LRP1B: variants seen among roughly 807,000 people sequenced by gnomAD.
LRP1B encodes low-density lipoprotein receptor-related protein 1B.
In LRP1B, 217 loss-of-function variants were observed where a neutral mutation model predicts 556.6. That is an observed-to-expected ratio of 0.39 (90% CI 0.35 to 0.44). The LOEUF (loss-of-function observed/expected upper bound fraction) is 0.44, where lower values mean the gene tolerates loss of function less well. Among genes scored for constraint, LRP1B ranks in the 20% least tolerant of loss-of-function variants. The pLI, the probability that LRP1B is intolerant of heterozygous loss-of-function variation, is 1.00. For missense variants in LRP1B, 5,053 were observed against 5,620.8 expected (o/e 0.90, Z 3.23); for synonymous variants, 2,047 against 1,865.8 (o/e 1.10, Z -2.50).
intron 1 of LRP1B, among the ~76,000 whole-genome samples, chr2:141,975,496 G>C (rs1296442923): frequency 6.6e-6 from 1 of 152,030 alleles, no homozygotes; most frequent in Non-Finnish European, 1.5e-5. Flanking sequence ...CGTATAAATG[G>C]ATTGAAGGAA....
intron 3 of LRP1B, among the ~76,000 whole-genome samples, chr2:141,410,244 G>T (rs546288554): frequency 1.2e-3 from 181 of 151,998 alleles, no homozygotes; most frequent in African/African-American, 3.7e-3. Context: ...CCCCATTGTA[G>T]GGCACAATCC....
chr2:142,025,581 A>G (rs1291572605), intron 1 of LRP1B, among the ~76,000 whole-genome samples: 4 of 152,130 alleles, frequency 2.6e-5, no homozygotes, highest in Non-Finnish European at 5.9e-5. Flanking sequence ...AAATAACAGA[A>G]CAATTAACTC....
At chr2:141,620,056 A>C (rs764535243) in intron 2 of LRP1B, among the ~76,000 whole-genome samples, 1 of 152,208 alleles carries the variant, frequency 6.6e-6, no homozygotes, top group Non-Finnish European at 1.5e-5. Context: ...GGGCTCAAGC[A>C]ATCCTCCCAC....
chr2:140,435,421 C>T (rs867908192), intron 66 of LRP1B, among the ~76,000 whole-genome samples: 6 of 152,148 alleles, frequency 3.9e-5, no homozygotes, highest in African/African-American at 1.4e-4. Flanking sequence ...AAATTCCTGA[C>T]TCAATTCCTT....
intron 5 of LRP1B, among the ~76,000 whole-genome samples, chr2:141,236,745 A>C (rs1683659320): frequency 6.6e-6 from 1 of 152,130 alleles, no homozygotes; most frequent in Non-Finnish European, 1.5e-5. Flanking sequence ...GAGTTAAGAG[A>C]ATGGAAAAGA....
At chr2:140,677,142 T>G (rs1685698358) in intron 41 of LRP1B, among the ~76,000 whole-genome samples, 1 of 152,190 alleles carries the variant, frequency 6.6e-6, no homozygotes, top group Non-Finnish European at 1.5e-5. Flanking sequence ...GTCAGAGGAT[T>G]GCAAGGAGAA....
chr2:140,380,553 A>C (rs1393623126), intron 67 of LRP1B, among the ~76,000 whole-genome samples: 7 of 152,278 alleles, frequency 4.6e-5, no homozygotes, highest in Admixed American at 4.6e-4. Context: ...ACAGCCCAAA[A>C]TTTTTTCATG....
chr2:141,844,802 A>G (rs1242585634), intron 1 of LRP1B, among the ~76,000 whole-genome samples: 1 of 151,758 alleles, frequency 6.6e-6, no homozygotes, highest in Admixed American at 6.6e-5. Flanking sequence ...CTAAATATTG[A>G]CATAATTCAA....
At chr2:140,895,561 G>T (rs138623850) in intron 23 of LRP1B, among the ~76,000 whole-genome samples, 1 of 152,150 alleles carries the variant, frequency 6.6e-6, no homozygotes, top group East Asian at 1.9e-4. Context: ...GCATGTTACC[G>T]TGCGCTCTTT....
chr2:141,930,775 C>G (rs936368051), intron 1 of LRP1B, among the ~76,000 whole-genome samples: 71 of 152,130 alleles, frequency 4.7e-4, no homozygotes, highest in African/African-American at 1.6e-3. Context: ...ATTTTCAAGG[C>G]CAAACTCTCA....
At chr2:140,439,618 G>A (rs1376930739) in intron 66 of LRP1B, among the ~76,000 whole-genome samples, 1 of 151,770 alleles carries the variant, frequency 6.6e-6, no homozygotes, top group East Asian at 1.9e-4. Context: ...CAAAAACTAG[G>A]CGTTAATAAA....
intron 3 of LRP1B, among the ~76,000 whole-genome samples, chr2:141,324,342 A>G (rs72856416): frequency 0.1 from 15,764 of 152,220 alleles, 957 homozygotes; most frequent in Admixed American, 0.17. Flanking sequence ...GCATCTCCTA[A>G]TAAGTACACC....
chr2:141,764,330 G>A (rs970136223), intron 2 of LRP1B, among the ~76,000 whole-genome samples: 2 of 152,020 alleles, frequency 1.3e-5, no homozygotes, highest in African/African-American at 2.4e-5. Context: ...ACAGGCGCCC[G>A]CCACCACATC....
intron 41 of LRP1B, among the ~76,000 whole-genome samples, chr2:140,642,730 G>A (rs1051679308): frequency 1.3e-5 from 2 of 152,160 alleles, no homozygotes; most frequent in African/African-American, 4.8e-5. Flanking sequence ...TGTAGTCCCA[G>A]CTACTCGGGA....
rs1180082899 is a variant in LRP1B, at chr2:141,062,113, C to G, written c.1174G>C (p.Asp392His). Residue 392 changes from aspartate to histidine, a missense_variant, in exon 8 of 91, where the codon GAC becomes CAC. Asp to His is a moderately conservative substitution (Grantham distance 81, BLOSUM62 -1). Transcript: ENST00000389484. ...TGATAGTCCACTACTCCCACATAGT[C>G]CAAGTAAAGATCTACCCAGTAAACC... ...KLVYWVDLYL[D>H]YVGVVDYQGK... 2 of 1,611,910 alleles carry G rather than the reference C, an allele frequency of 1.2e-6. No individual in the cohort carries two copies. Among genetic ancestry groups the G allele is most frequent in the African/African-American group, 2.7e-5 (2 of 74,706 alleles).
intron 2 of LRP1B, among the ~76,000 whole-genome samples, chr2:141,753,426 G>T (rs1405419732): frequency 6.6e-6 from 1 of 150,666 alleles, no homozygotes; most frequent in African/African-American, 2.4e-5. Flanking sequence ...AGCCACAATG[G>T]GCCCACCAGT....
chr2:141,733,952 T>C (rs1216326886), intron 2 of LRP1B, among the ~76,000 whole-genome samples: 1 of 152,160 alleles, frequency 6.6e-6, no homozygotes, highest in Admixed American at 6.6e-5. Context: ...ATACCTGCCT[T>C]TATTAGACTA....
intron 1 of LRP1B, among the ~76,000 whole-genome samples, chr2:141,994,888 A>G (rs1702446567): frequency 1.3e-5 from 2 of 152,074 alleles, no homozygotes; most frequent in South Asian, 4.1e-4. Flanking sequence ...CTAATATCCT[A>G]CAGCTGCCTT....
At chr2:141,948,182 C>T (rs573772054) in intron 1 of LRP1B, among the ~76,000 whole-genome samples, 18 of 151,992 alleles carry the variant, frequency 1.2e-4, no homozygotes, top group African/African-American at 4.3e-4. Context: ...GCTTGTGGTC[C>T]CAGCTACTTG....
Sources: allele counts gnomAD v4.1 joint callset (sites outside exome capture counted in the v4.1 genomes callset), GRCh38; gene constraint gnomAD v4.1.1; transcripts MANE v1.5; gene names NCBI Gene and HGNC (gene_info 2026-07-23, HGNC 2026-07-21).